Variants in PRDM16 observed in about 807,000 individuals in gnomAD.
PRDM16 encodes the protein histone-lysine N-methyltransferase PRDM16.
Under a neutral mutation model 110.6 loss-of-function variants are expected in PRDM16, and 23 were observed. The ratio of observed to expected loss-of-function variants is 0.21; its 90% CI spans 0.15 to 0.29. The LOEUF (loss-of-function observed/expected upper bound fraction) is 0.29. Among genes scored for constraint, PRDM16 ranks in the 10% least tolerant of loss-of-function variants. The probability of loss-of-function intolerance (pLI) is 1.00; values close to 1 mark genes in which losing one functional copy is unlikely to be tolerated. For missense variants in PRDM16, 1,615 were observed against 1,794.3 expected, an observed-to-expected ratio of 0.90 and a Z score of 1.81; for synonymous variants, 799 against 781.8, an observed-to-expected ratio of 1.02 and a Z score of -0.37.
chr1:3,322,367 C>T (rs994605301), intron 3 of PRDM16, among the ~76,000 whole-genome samples: 3 of 152,114 alleles, frequency 2.0e-5, no homozygotes, highest in African/African-American at 7.2e-5. Flanking sequence ...CCCTCCGGAG[C>T]CTATAAATCT....
chr1:3,414,331 G>A (rs1370316061), intron 9 of PRDM16, among the ~76,000 whole-genome samples: 3 of 152,174 alleles, frequency 2.0e-5, no homozygotes, highest in Admixed American at 2.0e-4. Flanking sequence ...TTCAGGGGCA[G>A]GTGGTGACAG....
At chr1:3,371,209 C>CCACT in intron 3 of PRDM16, among the ~76,000 whole-genome samples, 1 of 18,002 alleles carries the variant, frequency 5.6e-5, no homozygotes, top group Non-Finnish European at 8.3e-5. Flanking sequence ...ATCCATCCAC[C>CCACT]CACCCACCCA....
At chr1:3,211,071 G>A (rs2100844483) in intron 2 of PRDM16, among the ~76,000 whole-genome samples, 1 of 152,326 alleles carries the variant, frequency 6.6e-6, no homozygotes, top group East Asian at 1.9e-4. Context: ...ATGCACACGT[G>A]TATACATTTG....
chr1:3,348,523 G>A (rs554113505), intron 3 of PRDM16, among the ~76,000 whole-genome samples: 6 of 152,362 alleles, frequency 3.9e-5, no homozygotes, highest in East Asian at 3.9e-4. Flanking sequence ...CCACAAAGGC[G>A]GCTTGAATGG....
intron 1 of PRDM16, among the ~76,000 whole-genome samples, chr1:3,172,889 T>C (rs1235645599): frequency 6.6e-6 from 1 of 152,200 alleles, no homozygotes; most frequent in Non-Finnish European, 1.5e-5. Context: ...ACAGCATGAA[T>C]GTGCTTAATG....
intron 3 of PRDM16, among the ~76,000 whole-genome samples, chr1:3,254,203 T>G (rs544424970): frequency 1.3e-5 from 2 of 152,348 alleles, no homozygotes; most frequent in Non-Finnish European, 2.9e-5. Context: ...AGAAGCTCTT[T>G]AGTTTAATTA....
At chr1:3,267,984 G>C (rs536873264) in intron 3 of PRDM16, among the ~76,000 whole-genome samples, 3 of 152,242 alleles carry the variant, frequency 2.0e-5, no homozygotes, top group African/African-American at 7.2e-5. Context: ...TCTGCCTGCC[G>C]TTCGCAAGCA....
At chr1:3,218,938 A>G (rs940257311) in intron 2 of PRDM16, among the ~76,000 whole-genome samples, 2 of 152,214 alleles carry the variant, frequency 1.3e-5, no homozygotes, top group Non-Finnish European at 2.9e-5. Context: ...CAGTTTTGCC[A>G]CCTGCCAATC....
intron 1 of PRDM16, among the ~76,000 whole-genome samples, chr1:3,077,026 G>T (rs1257722767): frequency 6.6e-6 from 1 of 152,210 alleles, no homozygotes; most frequent in African/African-American, 2.4e-5. Flanking sequence ...TGGCTCTGGG[G>T]CCAGTCCCCA....
rs575330471 is a variant in PRDM16, at chr1:3,123,497, G to A, written c.37+54201G>A. 2.0e-5 allele frequency among the ~76,000 whole-genome samples: 3 copies of A among 152,314 alleles called. No homozygotes were observed. In the East Asian group the frequency reaches 5.8e-4, roughly 29 times the overall value. On this transcript the variant is annotated intron_variant, in intron 1 of 16. Coordinates refer to ENST00000270722, the MANE Select transcript of PRDM16 (RefSeq NM_022114.4). ...TCCTGGAGGAGGGGGCAGCCATTCG[G>A]CTACATAAACACCTGCCCCACCTGG...
rs1642586210 is a variant in PRDM16 at position 3,103,770 on chromosome 1, G to A, written c.37+34474G>A. Among the ~76,000 whole-genome samples, 5 of 152,190 alleles carry A rather than the reference G, an allele frequency of 3.3e-5. No homozygotes were observed. The South Asian group carries it at 1.0e-3, about 31-fold the overall frequency. On this transcript the variant is annotated intron_variant, in intron 1 of 16. Transcript: ENST00000270722. The stretch of plus-strand genomic sequence containing the variant: ...CCCTGGAAACCAGGGCTGCTCTGGA[G>A]TGCACAATTTTTCCCATTTTTGTGG...
At chr1:3,106,589 G>A (rs1393255985) in intron 1 of PRDM16, among the ~76,000 whole-genome samples, 1 of 152,224 alleles carries the variant, frequency 6.6e-6, no homozygotes, top group Non-Finnish European at 1.5e-5. Flanking sequence ...GGGAGTTGTG[G>A]TGTGGGTGCG....
intron 2 of PRDM16, among the ~76,000 whole-genome samples, chr1:3,200,674 G>T (rs1462244267): frequency 6.6e-6 from 1 of 152,212 alleles, no homozygotes; most frequent in Non-Finnish European, 1.5e-5. Flanking sequence ...TGGGAGTCCT[G>T]CGTGGGATCT....
chr1:3,114,458 CGCACACACGCA>C (rs1642897072), intron 1 of PRDM16, among the ~76,000 whole-genome samples: 4 of 147,888 alleles, frequency 2.7e-5, no homozygotes, highest in African/African-American at 1.0e-4. Flanking sequence ...CGCACACACA[CGCACACACGCA>C]GTGTAAACAG....
At chr1:3,222,426 T>C (rs1262693608) in intron 2 of PRDM16, among the ~76,000 whole-genome samples, 3 of 152,184 alleles carry the variant, frequency 2.0e-5, no homozygotes, top group African/African-American at 4.8e-5. Context: ...CCCTCCGCCA[T>C]GAGGAGTGGG....
chr1:3,409,021 C>T (rs1643618817), intron 8 of PRDM16, among the ~76,000 whole-genome samples: 1 of 107,358 alleles, frequency 9.3e-6, no homozygotes, highest in Non-Finnish European at 1.9e-5. Context: ...CGGGGCATGT[C>T]AGTGTGTGTG....
intron 1 of PRDM16, among the ~76,000 whole-genome samples, chr1:3,110,971 C>T (rs1042026984): frequency 2.6e-5 from 4 of 152,184 alleles, no homozygotes; most frequent in Non-Finnish European, 4.4e-5. Context: ...CTGGGCAAGA[C>T]GGCAGGGGAG....
In PRDM16 at chr1:3,175,196, G is replaced by A. The variant is rs1411004071; in HGVS notation, c.38-10929G>A. On this transcript the variant is annotated intron_variant, in intron 1 of 16. Coordinates refer to ENST00000270722, the MANE Select transcript of PRDM16 (RefSeq NM_022114.4). The surrounding 1 kb of genome is among the most constrained non-coding windows in gnomAD (Gnocchi z 4.8). ...AGAAGAACAAGATAGAACTCCATCA[G>A]TTCCCAAGTTTCTCTTTCTAGCAAA... Among the ~76,000 whole-genome samples the A allele has an allele frequency of 6.6e-6, 1 of 152,230 alleles. No homozygotes were observed. Among genetic ancestry groups the A allele is most frequent in the Non-Finnish European group, 1.5e-5 (1 of 68,050 alleles).
chr1:3,424,824 T>G (rs1638545947), intron 12 of PRDM16: 1 of 146,848 alleles, frequency 6.8e-6, no homozygotes, highest in Admixed American at 6.8e-5. Flanking sequence ...GTGGAGCCCC[T>G]CCGGCTGGGA....
Sources: allele counts gnomAD v4.1 joint callset (sites outside exome capture counted in the v4.1 genomes callset), GRCh38; gene constraint gnomAD v4.1.1; non-coding constraint Gnocchi (gnomAD v3.1); transcripts MANE v1.5; gene names NCBI Gene and HGNC (gene_info 2026-07-23, HGNC 2026-07-21).